Variants in FAM13A observed in about 807,000 individuals in gnomAD.
The protein encoded by FAM13A is family with sequence similarity 13 member A.
FAM13A carries 76 observed loss-of-function variants against 129.6 expected under a neutral mutation model. That is an observed-to-expected ratio of 0.59 (90% CI 0.49 to 0.71). FAM13A has a LOEUF of 0.71. Ranked by LOEUF, FAM13A falls within the 30% of genes least tolerant of loss-of-function variation. FAM13A has a pLI of 0.00. For synonymous variants in FAM13A, 443 were observed against 449.9 expected, an observed-to-expected ratio of 0.98 and a Z score of 0.20; for missense variants, 1,108 against 1,249.3, an observed-to-expected ratio of 0.89 and a Z score of 1.70.
At chr4:88,774,390 A>C (rs1370556816) in intron 11 of FAM13A, among the ~76,000 whole-genome samples, 1 of 152,194 alleles carries the variant, frequency 6.6e-6, no homozygotes, top group Non-Finnish European at 1.5e-5. Flanking sequence ...CTTAGTGTTG[A>C]AAATAGTGCT....
intron 4 of FAM13A, among the ~76,000 whole-genome samples, chr4:88,948,133 A>G (rs1481161302): frequency 6.6e-6 from 1 of 152,178 alleles, no homozygotes; most frequent in Non-Finnish European, 1.5e-5. Flanking sequence ...TAACTGAACA[A>G]TGCAGAAAAG....
At chr4:88,809,828 T>A (rs1729295269) in intron 7 of FAM13A, among the ~76,000 whole-genome samples, 2 of 150,194 alleles carry the variant, frequency 1.3e-5, no homozygotes, top group African/African-American at 2.4e-5. Context: ...TTTGGTTTGG[T>A]CCCAATCAAG....
intron 5 of FAM13A, among the ~76,000 whole-genome samples, chr4:88,924,882 A>C (rs1363733828): frequency 4.0e-5 from 6 of 151,762 alleles, no homozygotes; most frequent in Non-Finnish European, 7.4e-5. Flanking sequence ...ACCCCATCAA[A>C]AAGTGGGCAA....
At chr4:88,764,988 T>A (rs1330478728) in intron 13 of FAM13A, among the ~76,000 whole-genome samples, 1 of 152,168 alleles carries the variant, frequency 6.6e-6, no homozygotes, top group East Asian at 1.9e-4. Flanking sequence ...TAAAAAGATA[T>A]GAAACAAAGG....
chr4:88,961,082 A>C lies in FAM13A; in HGVS notation c.606-22841T>G, dbSNP rs144266729. Among the ~76,000 whole-genome samples, 13 of 152,302 alleles carry C rather than the reference A, an allele frequency of 8.5e-5. No homozygotes were observed. In the East Asian group the frequency reaches 2.5e-3, roughly 29 times the overall value. On this transcript the variant is annotated intron_variant, in intron 4 of 23. Transcript: ENST00000264344. ...AGAATTCAGAATGGACTTTCTAATA[A>C]AAATAGTGATAGAAATGGTGACTAA... is the stretch of plus-strand genomic sequence containing the variant.
At chr4:88,737,916 T>G (rs1191515731) in intron 20 of FAM13A, among the ~76,000 whole-genome samples, 1 of 152,124 alleles carries the variant, frequency 6.6e-6, no homozygotes, top group Non-Finnish European at 1.5e-5. Flanking sequence ...GAGAATCACA[T>G]AAGCTCAGAA....
chr4:88,811,199 C>T (rs1729600350), intron 7 of FAM13A, among the ~76,000 whole-genome samples: 1 of 152,056 alleles, frequency 6.6e-6, no homozygotes, highest in African/African-American at 2.4e-5. Flanking sequence ...TCTGGATATG[C>T]CCAGTAGTGG....
At chr4:88,920,548 T>G (rs1750885462) in intron 5 of FAM13A, among the ~76,000 whole-genome samples, 9 of 152,198 alleles carry the variant, frequency 5.9e-5, no homozygotes, top group Admixed American at 5.9e-4. Flanking sequence ...AAAACCCATC[T>G]GTACATCGCC....
chr4:88,816,692 T>C (rs1236067565), intron 7 of FAM13A, among the ~76,000 whole-genome samples: 1 of 152,204 alleles, frequency 6.6e-6, no homozygotes, highest in East Asian at 1.9e-4. Context: ...ACTCCACTAT[T>C]AATCCCAAAT....
intron 8 of FAM13A, among the ~76,000 whole-genome samples, chr4:88,803,214 A>G (rs1727866076): frequency 6.6e-6 from 1 of 152,156 alleles, no homozygotes; most frequent in African/African-American, 2.4e-5. Context: ...TTTGTGAAAT[A>G]GTTCTGCTTA....
At chr4:88,732,479 G>A (rs1339071549) in intron 21 of FAM13A, 2 of 259,830 alleles carry the variant, frequency 7.7e-6, no homozygotes, top group Non-Finnish European at 7.2e-6. Context: ...CAGGTTGGGG[G>A]TAAGAAGGAA....
At chr4:88,898,589 T>C (rs973673985) in intron 6 of FAM13A, among the ~76,000 whole-genome samples, 6 of 152,098 alleles carry the variant, frequency 3.9e-5, no homozygotes, top group Admixed American at 6.5e-5. Flanking sequence ...TGCTCTTGAA[T>C]TGTCTTTGAA....
chr4:88,929,176 G>C (rs1752673357), intron 5 of FAM13A, among the ~76,000 whole-genome samples: 1 of 112,048 alleles, frequency 8.9e-6, no homozygotes. Flanking sequence ...ATTCTTGGCT[G>C]ATAGTTTTTT....
At chr4:88,895,107 CATTA>C (rs1746056455) in intron 6 of FAM13A, among the ~76,000 whole-genome samples, 1 of 151,910 alleles carries the variant, frequency 6.6e-6, no homozygotes, top group Admixed American at 6.6e-5. Flanking sequence ...AGATAATATA[CATTA>C]GTTAGTACAA....
At chr4:88,747,573 G>A (rs1741624996) in intron 18 of FAM13A, 58 bp downstream of exon 18, 1 of 1,407,970 alleles carries the variant, frequency 7.1e-7, no homozygotes, top group Non-Finnish European at 1.0e-6. Context: ...CATGCCCTGT[G>A]TCTCTACCAC....
chr4:89,026,107 T>G (rs926474175), intron 2 of FAM13A, among the ~76,000 whole-genome samples: 1 of 152,194 alleles, frequency 6.6e-6, no homozygotes, highest in South Asian at 2.1e-4. Context: ...GTACCCGTAG[T>G]TGGACATCTA....
At chr4:88,904,945 A>G (rs1747890465) in intron 6 of FAM13A, among the ~76,000 whole-genome samples, 1 of 152,118 alleles carries the variant, frequency 6.6e-6, no homozygotes, top group African/African-American at 2.4e-5. Context: ...AATACTTTCC[A>G]TTGATTATGT....
At chr4:88,937,406 A>G (rs1754023545) in intron 5 of FAM13A, 1 of 152,196 alleles carries the variant, frequency 6.6e-6, no homozygotes, top group Non-Finnish European at 1.5e-5. Context: ...ATAAATGACG[A>G]CGAAATAAGA....
intron 13 of FAM13A, among the ~76,000 whole-genome samples, chr4:88,766,506 T>C (rs1024541698): frequency 6.6e-6 from 1 of 152,184 alleles, no homozygotes; most frequent in African/African-American, 2.4e-5. Context: ...ACAGGAGATA[T>C]GAGGAGTCTA....
Sources: allele counts gnomAD v4.1 joint callset (sites outside exome capture counted in the v4.1 genomes callset), GRCh38; gene constraint gnomAD v4.1.1; transcripts MANE v1.5; gene names NCBI Gene and HGNC (gene_info 2026-07-23, HGNC 2026-07-21).